Variants in SEMA3E observed in about 807,000 individuals in gnomAD.
The protein encoded by SEMA3E is semaphorin 3E.
SEMA3E carries 49 observed loss-of-function variants against 93.6 expected under a neutral mutation model. The ratio of observed to expected loss-of-function variants is 0.52; its 90% CI spans 0.42 to 0.66. The LOEUF (loss-of-function observed/expected upper bound fraction) is 0.66. Ranked by LOEUF, SEMA3E falls within the 30% of genes least tolerant of loss-of-function variation. SEMA3E has a pLI of 0.00. For synonymous variants in SEMA3E, 363 were observed against 330.7 expected (o/e 1.10, Z -1.06); for missense variants, 906 against 964.8 (o/e 0.94, Z 0.81).
intron 1 of SEMA3E, among the ~76,000 whole-genome samples, chr7:83,523,055 G>T (rs1031385983): frequency 6.6e-6 from 1 of 152,084 alleles, no homozygotes; most frequent in African/African-American, 2.4e-5. Flanking sequence ...GCATAAGAAC[G>T]GGGTGAATCC....
At chr7:83,369,178 G>T (rs1794718157) in intron 16 of SEMA3E, among the ~76,000 whole-genome samples, 1 of 152,136 alleles carries the variant, frequency 6.6e-6, no homozygotes, top group Admixed American at 6.5e-5. Context: ...ATACAAAAAT[G>T]AAAGCAATAT....
chr7:83,466,672 T>C, intron 3 of SEMA3E, 71 bp from the exon 4 acceptor site: 2 of 1,579,978 alleles, frequency 1.3e-6, no homozygotes, highest in Non-Finnish European at 1.7e-6. Context: ...GATTTTTGTT[T>C]TTCCTAGCCC....
At chr7:83,494,502 T>G (rs1283585106) in intron 1 of SEMA3E, among the ~76,000 whole-genome samples, 1 of 151,836 alleles carries the variant, frequency 6.6e-6, no homozygotes, top group Admixed American at 6.6e-5. Flanking sequence ...CCACCAAAAG[T>G]CACTTTATGG....
intron 11 of SEMA3E, 151 bp downstream of exon 11, chr7:83,399,877 C>A: frequency 1.4e-6 from 1 of 701,474 alleles, no homozygotes; most frequent in Admixed American, 2.2e-5. Flanking sequence ...CACATGAGGT[C>A]TCTATTTCAA....
chr7:83,540,505 T>G (rs768268434), intron 1 of SEMA3E, among the ~76,000 whole-genome samples: 2 of 152,194 alleles, frequency 1.3e-5, no homozygotes, highest in Non-Finnish European at 2.9e-5. Context: ...CTAGAATGCA[T>G]GTACCTATTC....
At chr7:83,521,492 A>C (rs756076606) in intron 1 of SEMA3E, among the ~76,000 whole-genome samples, 1 of 152,192 alleles carries the variant, frequency 6.6e-6, no homozygotes, top group Non-Finnish European at 1.5e-5. Context: ...TCCTGAAGAA[A>C]ATAAACCATG....
intron 4 of SEMA3E, among the ~76,000 whole-genome samples, chr7:83,451,674 A>T (rs1403487119): frequency 6.6e-6 from 1 of 152,234 alleles, no homozygotes; most frequent in Non-Finnish European, 1.5e-5. Context: ...ACTGTTAAGC[A>T]CATGTCCCAT....
At chr7:83,609,800 A>G (rs1049579453) in intron 1 of SEMA3E, among the ~76,000 whole-genome samples, 1 of 152,014 alleles carries the variant, frequency 6.6e-6, no homozygotes, top group African/African-American at 2.4e-5. Flanking sequence ...TAAGTTAACT[A>G]AACAAATTAT....
chr7:83,454,154 A>G (rs376659115), intron 4 of SEMA3E, among the ~76,000 whole-genome samples: 9 of 149,104 alleles, frequency 6.0e-5, no homozygotes, highest in African/African-American at 7.4e-5. Flanking sequence ...GCTACTCGGG[A>G]GGCTGAGGCA....
At chr7:83,618,471 A>G (rs1793473460) in intron 1 of SEMA3E, among the ~76,000 whole-genome samples, 2 of 152,030 alleles carry the variant, frequency 1.3e-5, no homozygotes, top group Non-Finnish European at 2.9e-5. Context: ...ATTTAATAGT[A>G]TCAGCCACCA....
chr7:83,372,930 C>A (rs867788124), intron 16 of SEMA3E: 2 of 152,056 alleles, frequency 1.3e-5, no homozygotes, highest in Non-Finnish European at 2.9e-5. Context: ...ACTTGGGTAC[C>A]TCCAACATCA....
At chr7:83,584,116 TAAG>T (rs1792570024) in intron 1 of SEMA3E, among the ~76,000 whole-genome samples, 1 of 152,154 alleles carries the variant, frequency 6.6e-6, no homozygotes, top group African/African-American at 2.4e-5. Flanking sequence ...CTACTCCAGG[TAAG>T]AAGGGGATTA....
chr7:83,434,236 T>C (rs567055832), intron 4 of SEMA3E, among the ~76,000 whole-genome samples: 1 of 152,052 alleles, frequency 6.6e-6, no homozygotes, highest in African/African-American at 2.4e-5. Context: ...TCTTACTTAA[T>C]AAAAACCTGC....
intron 1 of SEMA3E, among the ~76,000 whole-genome samples, chr7:83,602,154 G>A (rs1448358605): frequency 6.6e-6 from 1 of 152,132 alleles, no homozygotes; most frequent in Non-Finnish European, 1.5e-5. Context: ...TGAGGATTTT[G>A]TCTCCCTAAT....
At chr7:83,482,641 G>T (rs1790171542) in intron 2 of SEMA3E, among the ~76,000 whole-genome samples, 1 of 150,712 alleles carries the variant, frequency 6.6e-6, no homozygotes, top group Middle Eastern at 3.6e-3. Context: ...GAAGATGTTA[G>T]GATTAGCAAC....
intron 1 of SEMA3E, among the ~76,000 whole-genome samples, chr7:83,612,003 T>C (rs1327007844): frequency 2.0e-5 from 3 of 152,120 alleles, no homozygotes; most frequent in African/African-American, 7.2e-5. Flanking sequence ...CTGTTAGAAT[T>C]CACAGAAGGT....
chr7:83,504,865 A>T (rs1394542053), intron 1 of SEMA3E, among the ~76,000 whole-genome samples: 2 of 152,112 alleles, frequency 1.3e-5, no homozygotes, highest in African/African-American at 2.4e-5. Context: ...AATTTCACTT[A>T]CCCTTCACTC....
intron 4 of SEMA3E, 84 bp from the exon 5 acceptor site, chr7:83,418,567 GATT>G (rs1331213580): frequency 2.2e-6 from 2 of 920,632 alleles, no homozygotes; most frequent in Admixed American, 2.0e-5. Flanking sequence ...ATGAAACTTC[GATT>G]ATTTATAAAG....
At position 83,648,712 on chromosome 7, in the gene SEMA3E, G is replaced by A. The variant is rs542786967; in HGVS notation, c.-170C>T. 1 of 680,672 alleles carries A rather than the reference G, an allele frequency of 1.5e-6. No homozygotes were observed. Among genetic ancestry groups the A allele is most frequent in the South Asian group, 1.6e-5 (1 of 63,646 alleles). 42.2% of individuals were successfully genotyped at this position (680,672 alleles called of 1,614,324 possible). ...CATTTGTCAGGCTGTATTTGGCTATGTAAAACCTTTCTTTCCTCGGGACAG... is the reference window on the plus strand; with the variant it reads ...CATTTGTCAGGCTGTATTTGGCTATATAAAACCTTTCTTTCCTCGGGACAG... On this transcript the variant is annotated 5_prime_UTR_variant, in exon 1 of 17. Coordinates refer to ENST00000643230, the MANE Select transcript of SEMA3E (RefSeq NM_012431.3).
Sources: gnomAD v4.1 joint callset for allele counts (sites outside exome capture counted in the v4.1 genomes callset) on GRCh38, gnomAD v4.1.1 for gene constraint, MANE v1.5 for transcripts, NCBI Gene and HGNC (gene_info 2026-07-23, HGNC 2026-07-21) for gene names.